PTPRD: variants seen among roughly 807,000 people sequenced by gnomAD.
PTPRD encodes receptor-type tyrosine-protein phosphatase delta.
Under a neutral mutation model 214.5 loss-of-function variants are expected in PTPRD, and 34 were observed. That is an observed-to-expected ratio of 0.16 (90% CI 0.12 to 0.21). The LOEUF is 0.21. Among genes scored for constraint, PTPRD ranks in the 10% least tolerant of loss-of-function variants. The probability of loss-of-function intolerance (pLI) is 1.00; values close to 1 mark genes in which losing one functional copy is unlikely to be tolerated. For synonymous variants in PTPRD, 1,128 were observed against 845.7 expected, an observed-to-expected ratio of 1.33 and a Z score of -5.79; for missense variants, 2,545 against 2,398.7, an observed-to-expected ratio of 1.06 and a Z score of -1.27.
chr9:8,545,903 T>G (rs2079975897), intron 14 of PTPRD, among the ~76,000 whole-genome samples: 1 of 152,186 alleles, frequency 6.6e-6, no homozygotes, highest in Admixed American at 6.5e-5. Context: ...TCCAACAAAC[T>G]TTATACAAAC....
At chr9:8,370,245 TATATGTGCTGTGAAGAGATA>T (rs2081141731) in intron 39 of PTPRD, among the ~76,000 whole-genome samples, 1 of 147,620 alleles carries the variant, frequency 6.8e-6, no homozygotes, top group Non-Finnish European at 1.5e-5. Context: ...CACATATATA[TATATGTGCTGTGAAGAGATA>T]ATGGCAAATA....
At chr9:9,686,826 T>C (rs2097174263) in intron 7 of PTPRD, among the ~76,000 whole-genome samples, 1 of 151,772 alleles carries the variant, frequency 6.6e-6, no homozygotes, top group African/African-American at 2.4e-5. Flanking sequence ...GAAGTTATCA[T>C]ACTTAACTAC....
chr9:9,759,178 T>C (rs1246138019), intron 6 of PTPRD, among the ~76,000 whole-genome samples: 1 of 152,210 alleles, frequency 6.6e-6, no homozygotes, highest in Non-Finnish European at 1.5e-5. Context: ...AATCTATTCC[T>C]AGCCTGATGC....
At chr9:9,154,505 A>G (rs1229003599) in intron 10 of PTPRD, among the ~76,000 whole-genome samples, 5 of 152,182 alleles carry the variant, frequency 3.3e-5, no homozygotes, top group Admixed American at 1.3e-4. Context: ...CTTTTCTCAT[A>G]AAGATATGAA....
chr9:9,240,134 A>G (rs1017775950), intron 9 of PTPRD, among the ~76,000 whole-genome samples: 18 of 151,894 alleles, frequency 1.2e-4, no homozygotes, highest in Non-Finnish European at 1.8e-4. Flanking sequence ...GTTTGTAAGT[A>G]AACTTTTCAA....
At chr9:8,733,149 C>A (rs562530509) in intron 12 of PTPRD, among the ~76,000 whole-genome samples, 52 of 152,234 alleles carry the variant, frequency 3.4e-4, no homozygotes, top group Admixed American at 2.0e-4. Context: ...GTTAATGGAC[C>A]ACAATAGCAG....
At chr9:8,685,854 A>C (rs2097669918) in intron 12 of PTPRD, among the ~76,000 whole-genome samples, 1 of 152,248 alleles carries the variant, frequency 6.6e-6, no homozygotes, top group Non-Finnish European at 1.5e-5. Context: ...AATAAAAATA[A>C]AATGCCAAAC....
chr9:9,480,658 G>T (rs1047374525), intron 8 of PTPRD, among the ~76,000 whole-genome samples: 10 of 152,014 alleles, frequency 6.6e-5, no homozygotes, highest in African/African-American at 2.2e-4. Flanking sequence ...TACATGATAT[G>T]TAGTACGTAA....
At chr9:9,339,711 G>C (rs1340423090) in intron 9 of PTPRD, among the ~76,000 whole-genome samples, 1 of 152,110 alleles carries the variant, frequency 6.6e-6, no homozygotes, top group African/African-American at 2.4e-5. Context: ...GCTTACGTAA[G>C]TAATTGTACA....
intron 27 of PTPRD, among the ~76,000 whole-genome samples, chr9:8,487,180 G>T (rs1039959270): frequency 6.6e-6 from 1 of 152,160 alleles, no homozygotes; most frequent in Non-Finnish European, 1.5e-5. Flanking sequence ...GTCTTAGCAT[G>T]AGGTTCTGCA....
intron 8 of PTPRD, among the ~76,000 whole-genome samples, chr9:9,421,432 T>C (rs76056286): frequency 0.012 from 1,809 of 152,172 alleles, 33 homozygotes; most frequent in East Asian, 0.061. Flanking sequence ...GACTAAACCA[T>C]AAAATATTTC....
chr9:9,085,553 TC>T (rs1208581904), intron 10 of PTPRD, among the ~76,000 whole-genome samples: 1 of 152,090 alleles, frequency 6.6e-6, no homozygotes, highest in Non-Finnish European at 1.5e-5. Context: ...GGGCTTTTTT[TC>T]CCTCTTATAA....
chr9:9,966,332 A>T (rs2094697435), intron 4 of PTPRD, among the ~76,000 whole-genome samples: 1 of 152,190 alleles, frequency 6.6e-6, no homozygotes, highest in Non-Finnish European at 1.5e-5. Context: ...TTCTAGGTTC[A>T]TAGACCTCGT....
chr9:9,042,023 A>T (rs1410014380), intron 10 of PTPRD, among the ~76,000 whole-genome samples: 2 of 152,202 alleles, frequency 1.3e-5, no homozygotes, highest in Non-Finnish European at 2.9e-5. Flanking sequence ...TGGCTTGAGC[A>T]TGAAAAGGAG....
At chr9:10,065,866 T>G (rs534766546) in intron 3 of PTPRD, among the ~76,000 whole-genome samples, 1 of 152,004 alleles carries the variant, frequency 6.6e-6, no homozygotes, top group South Asian at 2.1e-4. Flanking sequence ...AGACAACTGG[T>G]GTCTATTTCC....
intron 2 of PTPRD, among the ~76,000 whole-genome samples, chr9:10,481,181 G>A (rs985139751): frequency 2.0e-5 from 3 of 152,090 alleles, no homozygotes; most frequent in Non-Finnish European, 4.4e-5. Flanking sequence ...AAAATCCAGT[G>A]GCAGGGGTAG....
At chr9:8,420,028 C>T (rs80093909) in intron 35 of PTPRD, among the ~76,000 whole-genome samples, 1,666 of 152,172 alleles carry the variant, frequency 0.011, 35 homozygotes, top group African/African-American at 0.039. Context: ...AAGAAGAAAT[C>T]CCATCACCCC....
At chr9:9,960,177 TTTAAAAA>T (rs1288564124) in intron 4 of PTPRD, among the ~76,000 whole-genome samples, 1 of 149,770 alleles carries the variant, frequency 6.7e-6, no homozygotes, top group African/African-American at 2.5e-5. Context: ...TTCAAAAAAT[TTTAAAAA>T]TGAAAAAAGG....
At chr9:10,575,752 G>GTC (rs910568821) in intron 2 of PTPRD, among the ~76,000 whole-genome samples, 15 of 151,676 alleles carry the variant, frequency 9.9e-5, no homozygotes, top group African/African-American at 2.4e-4. Flanking sequence ...TCTAGCTCCA[G>GTC]TCTCTCTCTC....
Sources: allele counts gnomAD v4.1 joint callset (sites outside exome capture counted in the v4.1 genomes callset), GRCh38; gene constraint gnomAD v4.1.1; transcripts MANE v1.5; gene names NCBI Gene and HGNC (gene_info 2026-07-23, HGNC 2026-07-21).